DOT1L: variants seen among roughly 807,000 people sequenced by gnomAD.
The protein encoded by DOT1L is DOT1 like histone lysine methyltransferase.
Under a neutral mutation model 153.3 loss-of-function variants are expected in DOT1L, and 33 were observed. That is an observed-to-expected ratio of 0.22 (90% CI 0.16 to 0.29). The LOEUF is 0.29. DOT1L is among the 10% of genes least tolerant of loss of function. DOT1L has a pLI of 1.00. For synonymous variants in DOT1L, 1,135 were observed against 965.1 expected (o/e 1.18, Z -3.26); for missense variants, 1,847 against 2,119.9 (o/e 0.87, Z 2.53).
chr19:2,221,861 C>G, intron 23 of DOT1L, 115 bp from the exon 24 acceptor site: 1 of 1,121,814 alleles, frequency 8.9e-7, no homozygotes, highest in Non-Finnish European at 1.2e-6. Flanking sequence ...AACCCCTTCC[C>G]CACTTCCCCG....
At chr19:2,166,045 C>G (rs1392195668) in intron 1 of DOT1L, among the ~76,000 whole-genome samples, 2 of 151,960 alleles carry the variant, frequency 1.3e-5, no homozygotes, top group East Asian at 1.9e-4. Context: ...GCTGGGATTA[C>G]AGGTGTGAGC....
At position 2,230,809 on chromosome 19, in the gene DOT1L, A is replaced by G. The variant is rs2024567450; in HGVS notation, c.*1017A>G. ...GCCCCAGCGTCAGCCCCGACCCTAG[A>G]CCCCTCAGTTGCAGCTCCCAGCAGC... On this transcript the variant is annotated 3_prime_UTR_variant, in exon 28 of 28. Coordinates refer to ENST00000398665, the MANE Select transcript of DOT1L (RefSeq NM_032482.3). 1 of 379,054 alleles carries G rather than the reference A, an allele frequency of 2.6e-6. No homozygotes were observed. The highest frequency in any genetic ancestry group is 4.7e-6 in the Non-Finnish European group (1 of 214,062). The allele number at this position is 379,054 out of a possible 1,614,324, so 23.5% of individuals were successfully genotyped here.
intron 7 of DOT1L, among the ~76,000 whole-genome samples, chr19:2,195,215 G>A (rs1278959094): frequency 6.6e-6 from 1 of 151,970 alleles, no homozygotes; most frequent in Non-Finnish European, 1.5e-5. Context: ...TGATTAATGG[G>A]CCATAGCTTC....
At chr19:2,219,918 A>G (rs937358889) in intron 22 of DOT1L, among the ~76,000 whole-genome samples, 190 bp from the exon 23 acceptor site, 1 of 151,526 alleles carries the variant, frequency 6.6e-6, no homozygotes, top group African/African-American at 2.4e-5. Flanking sequence ...GGCACCGCGC[A>G]CTCTCGCTGC....
At position 2,197,436 on chromosome 19, in the gene DOT1L, C is replaced by T. The variant is rs375348302; in HGVS notation, c.652-2448C>T. ...AGGAGGGCGCCATGGTGCCTTCCTC[C>T]GCGCGGTCTGGCTGGGCTGAGCCTT... On this transcript the variant is annotated intron_variant, in intron 7 of 27. Transcript: ENST00000398665. The surrounding 1 kb of genome is among the most constrained non-coding windows in gnomAD (Gnocchi z 4.1). Among the ~76,000 whole-genome samples, 24 of 152,320 alleles carry T rather than the reference C, an allele frequency of 1.6e-4. No individual in the cohort carries two copies. The East Asian group carries it at 3.3e-3, about 21-fold the overall frequency.
In DOT1L at chr19:2,207,966, T is replaced by C. The variant is rs2023568394; in HGVS notation, c.963+286T>C. 6.6e-6 allele frequency among the ~76,000 whole-genome samples: 1 copy of C among 151,668 alleles called. No individual in the cohort carries two copies. ...CTGGGGTGGGGCGGGGCCATCAGAGTGATGTGTGACCATAAGGGTCCCGGC... is the reference window on the plus strand; with the variant it reads ...CTGGGGTGGGGCGGGGCCATCAGAGCGATGTGTGACCATAAGGGTCCCGGC... On this transcript the variant is annotated intron_variant, in intron 11 of 27. Coordinates refer to ENST00000398665, the MANE Select transcript of DOT1L (RefSeq NM_032482.3). This position sits in a 1 kb window ranked among gnomAD's most constrained non-coding sequence, Gnocchi z 4.5.
rs879813752 is a variant in DOT1L, at chr19:2,216,087, G to A, written c.1924-194G>A. ...TTCCATGTCAGCAAAAACCATCCTC[G>A]GCCCTCCACATGACTTTATTTGACG... On this transcript the variant is annotated intron_variant, in intron 19 of 27. Coordinates refer to ENST00000398665, the MANE Select transcript of DOT1L (RefSeq NM_032482.3). The A allele has an allele frequency of 2.1e-4, 139 of 655,302 alleles. 1 individual carries two copies. The highest frequency in any genetic ancestry group is 3.1e-4 in the Admixed American group (9 of 29,298). The allele number at this position is 655,302 out of a possible 1,614,324, so 40.6% of individuals were successfully genotyped here.
intron 1 of DOT1L, among the ~76,000 whole-genome samples, chr19:2,179,081 G>T (rs367567392): frequency 6.6e-6 from 1 of 152,064 alleles, no homozygotes; most frequent in African/African-American, 2.4e-5. Context: ...GCTGGGGGGG[G>T]GTCTCCTATG....
At chr19:2,176,011 G>T (rs1390108152) in intron 1 of DOT1L, among the ~76,000 whole-genome samples, 1 of 152,128 alleles carries the variant, frequency 6.6e-6, no homozygotes, top group African/African-American at 2.4e-5. Context: ...CCCAACCTCT[G>T]TGTCCCGGCT....
In DOT1L at chr19:2,231,350, G is replaced by A. The variant is rs1054437340; in HGVS notation, c.*1558G>A. On this transcript the variant is annotated 3_prime_UTR_variant, in exon 28 of 28. Transcript: ENST00000398665. Reference sequence around the variant, plus strand: ...CCTGTGTTCTGGTTCCCAAGGGCAGGATGGACACACGTCACATCCCTACCA... The same window carrying A: ...CCTGTGTTCTGGTTCCCAAGGGCAGAATGGACACACGTCACATCCCTACCA... The A allele has an allele frequency of 9.5e-6, 2 of 210,876 alleles. No homozygotes were observed. Among genetic ancestry groups the A allele is most frequent in the African/African-American group, 4.5e-5 (2 of 44,010 alleles). The allele number at this position is 210,876 out of a possible 1,614,324, so 13.1% of individuals were successfully genotyped here.
intron 3 of DOT1L, among the ~76,000 whole-genome samples, chr19:2,186,544 C>G (rs564358766): frequency 1.1e-4 from 17 of 152,340 alleles, no homozygotes; most frequent in Non-Finnish European, 2.2e-4. Flanking sequence ...GCTGTGCTGT[C>G]GTGAGCTTAG....
rs761665248 is a variant in DOT1L, at chr19:2,223,239, G to A, written c.3391-42G>A. ...GGGGGCTCTCCTGCCTTGGGGTCCC[G>A]GGTCTGTGGTATGTGCATCCATTGT... is the stretch of plus-strand genomic sequence containing the variant. On this transcript the variant is annotated intron_variant, in intron 24 of 27. Transcript: ENST00000398665. 111 of 1,602,784 alleles carry A rather than the reference G, an allele frequency of 6.9e-5. 2 individuals are homozygous for A. The South Asian group carries it at 1.0e-3, about 15-fold the overall frequency.
intron 3 of DOT1L, among the ~76,000 whole-genome samples, chr19:2,186,364 C>G (rs2144720445): frequency 1.3e-5 from 2 of 152,236 alleles, no homozygotes; most frequent in Middle Eastern, 6.8e-3. Context: ...CAATTTCGCC[C>G]TGGCAGCTCC....
chr19:2,168,772 G>T (rs375168313), intron 1 of DOT1L, among the ~76,000 whole-genome samples: 1 of 151,988 alleles, frequency 6.6e-6, no homozygotes, highest in Non-Finnish European at 1.5e-5. Context: ...CCGCCACCAC[G>T]CCCAGCTAAT....
intron 1 of DOT1L, among the ~76,000 whole-genome samples, chr19:2,178,383 C>A (rs114589135): frequency 0.034 from 4,664 of 139,112 alleles, 108 homozygotes; most frequent in Middle Eastern, 0.091. Flanking sequence ...AAAAAAAAAA[C>A]AAAAAATCTC....
At chr19:2,165,955 A>G (rs1419299174) in intron 1 of DOT1L, among the ~76,000 whole-genome samples, 2 of 151,774 alleles carry the variant, frequency 1.3e-5, no homozygotes, top group Admixed American at 6.6e-5. Flanking sequence ...TGTTTTTAGT[A>G]GAGACGGGGT....
intron 1 of DOT1L, among the ~76,000 whole-genome samples, chr19:2,179,614 C>T (rs970067245): frequency 8.5e-5 from 13 of 152,092 alleles, no homozygotes; most frequent in African/African-American, 3.1e-4. Context: ...TCGAGACCAG[C>T]CTGATCAACA....
At position 2,208,617 on chromosome 19, in the gene DOT1L, C is replaced by T. The variant is rs762766764; in HGVS notation, c.964-318C>T. ...CTCTCGCCTTCTCCTCTGAGGCGGG[C>T]GCGGTTCTTCTGTGCAGAAAGCCCT... On this transcript the variant is annotated intron_variant, in intron 11 of 27. Transcript: ENST00000398665. This position sits in a 1 kb window ranked among gnomAD's most constrained non-coding sequence, Gnocchi z 4.4. Among the ~76,000 whole-genome samples, 16 of 152,274 alleles carry T rather than the reference C, an allele frequency of 1.1e-4. No homozygotes were observed. Among genetic ancestry groups the T allele is most frequent in the Non-Finnish European group, 1.9e-4 (13 of 67,996 alleles).
intron 15 of DOT1L, among the ~76,000 whole-genome samples, 165 bp downstream of exon 15, chr19:2,211,377 G>A (rs1024932805): frequency 5.3e-5 from 8 of 152,188 alleles, no homozygotes; most frequent in African/African-American, 1.9e-4. Context: ...GTCAGTAGAG[G>A]CTCAGATGCA....
Sources: gnomAD v4.1 joint callset for allele counts (sites outside exome capture counted in the v4.1 genomes callset) on GRCh38, gnomAD v4.1.1 for gene constraint, Gnocchi (gnomAD v3.1) non-coding constraint, MANE v1.5 for transcripts, NCBI Gene and HGNC (gene_info 2026-07-23, HGNC 2026-07-21) for gene names.